Variants in SLCO3A1 observed in about 807,000 individuals in gnomAD.
SLCO3A1 encodes the protein PGE1 transporter.
A neutral mutation model predicts 63.1 loss-of-function variants in SLCO3A1; 27 were observed. The observed-to-expected ratio is 0.43, with a 90% CI of 0.32 to 0.59. The LOEUF is 0.59. SLCO3A1 is among the 20% of genes least tolerant of loss of function. The pLI, the probability that SLCO3A1 is intolerant of heterozygous loss-of-function variation, is 0.09. For synonymous variants in SLCO3A1, 473 were observed against 409.9 expected (o/e 1.15, Z -1.86); for missense variants, 773 against 945.8 (o/e 0.82, Z 2.40).
At chr15:92,170,273 G>T (rs2048514317), downstream of SLCO3A1, among the ~76,000 whole-genome samples, 1 of 152,180 alleles carries the variant, frequency 6.6e-6, no homozygotes, top group African/African-American at 2.4e-5. Flanking sequence ...ACTGAACACA[G>T]ATGGTGCTCC....
chr15:92,092,185 C>G (rs1326774236), intron 2 of SLCO3A1, among the ~76,000 whole-genome samples: 1 of 152,180 alleles, frequency 6.6e-6, no homozygotes, highest in Non-Finnish European at 1.5e-5. Context: ...GATAACAGCA[C>G]AGTCTCGATG....
chr15:91,880,265 T>C (rs1897536876), intron 1 of SLCO3A1, among the ~76,000 whole-genome samples: 1 of 152,052 alleles, frequency 6.6e-6, no homozygotes, highest in Non-Finnish European at 1.5e-5. Context: ...GTACACACTC[T>C]ACCCAGTCTC....
rs1435734602 is a variant in SLCO3A1 at position 91,941,323 on chromosome 15, A to G, written c.646+24865A>G. ...GGGGGTGGGAGAGAGACACTGAATC[A>G]GTGCATGAGTGACCAGCTAGGACTG... On this transcript the variant is annotated intron_variant, in intron 2 of 9. Transcript: ENST00000318445. The surrounding 1 kb of genome is among the most constrained non-coding windows in gnomAD (Gnocchi z 4.4). 1.5e-5 allele frequency: 4 copies of G among 269,390 alleles called. No individual in the cohort carries two copies. The East Asian group carries it at 4.0e-4, about 27-fold the overall frequency. 16.7% of individuals were successfully genotyped at this position (269,390 alleles called of 1,614,324 possible).
chr15:91,921,245 C>A (rs1898834214), intron 2 of SLCO3A1, among the ~76,000 whole-genome samples: 1 of 152,186 alleles, frequency 6.6e-6, no homozygotes, highest in Non-Finnish European at 1.5e-5. Flanking sequence ...TCTGTGTATC[C>A]AATTTACTCC....
At chr15:92,090,939 C>T (rs2047466096) in intron 2 of SLCO3A1, among the ~76,000 whole-genome samples, 1 of 152,182 alleles carries the variant, frequency 6.6e-6, no homozygotes, top group Non-Finnish European at 1.5e-5. Flanking sequence ...GAAGCTGAGG[C>T]ATGGGAGGTT....
At chr15:91,949,940 G>A (rs931935786) in intron 2 of SLCO3A1, among the ~76,000 whole-genome samples, 1 of 152,194 alleles carries the variant, frequency 6.6e-6, no homozygotes, top group African/African-American at 2.4e-5. Flanking sequence ...CTGGGAGATT[G>A]AGGTTGCAGT....
intron 2 of SLCO3A1, among the ~76,000 whole-genome samples, chr15:91,923,346 T>G (rs28482328): frequency 0.023 from 3,521 of 152,300 alleles, 132 homozygotes; most frequent in African/African-American, 0.081. Flanking sequence ...AACCTGATTT[T>G]CAGCCTGGGA....
intron 2 of SLCO3A1, among the ~76,000 whole-genome samples, chr15:91,964,760 G>A (rs1290727569): frequency 5.3e-5 from 8 of 150,506 alleles, no homozygotes; most frequent in Admixed American, 4.6e-4. Context: ...TTTTTTTAAT[G>A]TACTTCGAGT....
At chr15:91,881,716 A>G (rs1297737919) in intron 1 of SLCO3A1, among the ~76,000 whole-genome samples, 1 of 152,156 alleles carries the variant, frequency 6.6e-6, no homozygotes, top group Non-Finnish European at 1.5e-5. Context: ...AGCTCAGTGG[A>G]GAATGCAAGT....
chr15:91,934,517 A>G (rs1899340089), intron 2 of SLCO3A1, among the ~76,000 whole-genome samples: 1 of 152,182 alleles, frequency 6.6e-6, no homozygotes, highest in East Asian at 1.9e-4. Context: ...ACTTCTTTTT[A>G]ATACATTTGC....
At chr15:92,011,209 C>T (rs1193190760) in intron 2 of SLCO3A1, among the ~76,000 whole-genome samples, 3 of 152,210 alleles carry the variant, frequency 2.0e-5, no homozygotes, top group South Asian at 2.1e-4. Context: ...CTACCTGGGA[C>T]GCTTTCTCTC....
rs977152909 is a variant in SLCO3A1 at position 92,034,749 on chromosome 15, G to A, written c.647-60132G>A. Among the ~76,000 whole-genome samples, 7 of 152,012 alleles carry A rather than the reference G, an allele frequency of 4.6e-5. 1 individual carries two copies. Among genetic ancestry groups the A allele is most frequent in the African/African-American group, 9.6e-5 (4 of 41,532 alleles). On this transcript the variant is annotated intron_variant, in intron 2 of 9. Coordinates refer to ENST00000318445, the MANE Select transcript of SLCO3A1 (RefSeq NM_013272.4). ...CCACTTTCACGCCTGGGAAGGCCTC[G>A]TTCCCATGTCCCCTCCAGTGGTGGC...
At chr15:92,134,245 T>C (rs566876197) in intron 7 of SLCO3A1, among the ~76,000 whole-genome samples, 21 of 152,358 alleles carry the variant, frequency 1.4e-4, no homozygotes, top group African/African-American at 4.8e-4. Flanking sequence ...AGCCTGGCCC[T>C]GTCTGCCAGA....
chr15:92,121,099 A>G (rs557652431), intron 5 of SLCO3A1, among the ~76,000 whole-genome samples: 1 of 152,284 alleles, frequency 6.6e-6, no homozygotes, highest in Admixed American at 6.5e-5. Context: ...CCTTCTCCCC[A>G]AGGTCAGGCA....
chr15:92,031,023 GGA>G (rs2046640988), intron 2 of SLCO3A1, among the ~76,000 whole-genome samples: 1 of 149,964 alleles, frequency 6.7e-6, no homozygotes, highest in Non-Finnish European at 1.5e-5. Context: ...TGTGAGGGAG[GGA>G]GGGAGGGAGG....
intron 2 of SLCO3A1, among the ~76,000 whole-genome samples, chr15:91,956,109 C>G (rs1460334942): frequency 2.0e-5 from 3 of 152,040 alleles, no homozygotes; most frequent in African/African-American, 7.2e-5. Context: ...TGGGCGTGCA[C>G]TGGGGTCAGA....
intron 2 of SLCO3A1, among the ~76,000 whole-genome samples, chr15:91,928,385 G>A (rs1246134580): frequency 6.6e-6 from 1 of 152,130 alleles, no homozygotes; most frequent in African/African-American, 2.4e-5. Flanking sequence ...AAAGTTCATG[G>A]GGCTTAAGCA....
intron 2 of SLCO3A1, 87 bp from the exon 3 acceptor site, chr15:92,094,794 T>A: frequency 1.2e-6 from 1 of 818,516 alleles, no homozygotes; most frequent in Admixed American, 2.0e-5. Flanking sequence ...ATCTCATCAA[T>A]GTAAAATAAT....
intron 2 of SLCO3A1, among the ~76,000 whole-genome samples, chr15:92,053,684 G>T (rs111723188): frequency 0.046 from 677 of 14,678 alleles, 5 homozygotes; most frequent in Middle Eastern, 0.14. Context: ...TTGTTTTTTT[G>T]TTTGTTTGTT....
Sources: gnomAD v4.1 joint callset for allele counts (sites outside exome capture counted in the v4.1 genomes callset) on GRCh38, gnomAD v4.1.1 for gene constraint, Gnocchi (gnomAD v3.1) non-coding constraint, MANE v1.5 for transcripts, NCBI Gene and HGNC (gene_info 2026-07-23, HGNC 2026-07-21) for gene names.